FOXP1: variants seen among roughly 807,000 people sequenced by gnomAD.
FOXP1 encodes the protein forkhead box P1.
FOXP1 carries 15 observed loss-of-function variants against 98.2 expected under a neutral mutation model. The ratio of observed to expected loss-of-function variants is 0.15; its 90% CI spans 0.10 to 0.24. FOXP1 has a LOEUF of 0.24. Among genes scored for constraint, FOXP1 ranks in the 10% least tolerant of loss-of-function variants. The probability of loss-of-function intolerance (pLI) is 1.00; values close to 1 mark genes in which losing one functional copy is unlikely to be tolerated. For synonymous variants in FOXP1, 371 were observed against 314.5 expected, an observed-to-expected ratio of 1.18 and a Z score of -1.90; for missense variants, 633 against 848.5, an observed-to-expected ratio of 0.75 and a Z score of 3.15.
At chr3:71,094,150 C>T (rs957427483) in intron 7 of FOXP1, among the ~76,000 whole-genome samples, 22 of 152,266 alleles carry the variant, frequency 1.4e-4, no homozygotes, top group African/African-American at 4.8e-4. Context: ...CAGTCTCTGT[C>T]GCACCCACTC....
intron 4 of FOXP1, among the ~76,000 whole-genome samples, chr3:71,353,176 CG>C: frequency 6.6e-6 from 1 of 152,140 alleles, no homozygotes; most frequent in Non-Finnish European, 1.5e-5. Flanking sequence ...TGGACTCAGA[CG>C]ATGCAGCAAA....
chr3:71,285,810 C>T (rs1339726245), intron 5 of FOXP1, among the ~76,000 whole-genome samples: 1 of 152,170 alleles, frequency 6.6e-6, no homozygotes, highest in Non-Finnish European at 1.5e-5. Flanking sequence ...TCTACAATTA[C>T]ACAGTGGCCT....
intron 4 of FOXP1, among the ~76,000 whole-genome samples, chr3:71,322,805 A>G (rs1239254264): frequency 1.3e-5 from 2 of 152,176 alleles, no homozygotes; most frequent in African/African-American, 4.8e-5. Context: ...TAGAGTGACC[A>G]CTGGATGTGT....
intron 7 of FOXP1, among the ~76,000 whole-genome samples, chr3:71,058,753 A>C (rs1320731333): frequency 7.9e-5 from 12 of 152,168 alleles, no homozygotes; most frequent in Admixed American, 7.9e-4. Flanking sequence ...ATGTATTGGC[A>C]AACAGAAAAG....
chr3:71,005,505 T>C (rs933739194), intron 12 of FOXP1, among the ~76,000 whole-genome samples: 4 of 151,998 alleles, frequency 2.6e-5, no homozygotes, highest in African/African-American at 9.7e-5. Context: ...ATTAATATAT[T>C]ATTTGGGGGA....
chr3:71,344,557 C>T (rs890159859), intron 4 of FOXP1, among the ~76,000 whole-genome samples: 2 of 152,218 alleles, frequency 1.3e-5, no homozygotes, highest in African/African-American at 4.8e-5. Flanking sequence ...ATATTTGAAG[C>T]TGGGTACTGT....
chr3:71,114,240 G>C (rs2058182278), intron 6 of FOXP1, among the ~76,000 whole-genome samples: 1 of 152,136 alleles, frequency 6.6e-6, no homozygotes, highest in South Asian at 2.1e-4. Flanking sequence ...AAACAACATG[G>C]ATATTTACAA....
intron 7 of FOXP1, among the ~76,000 whole-genome samples, chr3:71,077,893 C>T (rs948127309): frequency 6.6e-5 from 10 of 151,120 alleles, no homozygotes; most frequent in Admixed American, 5.9e-4. Context: ...AGTGCAATGG[C>T]GTGATCTCGG....
intron 11 of FOXP1, among the ~76,000 whole-genome samples, chr3:71,034,129 G>A (rs545101384): frequency 6.6e-6 from 1 of 152,070 alleles, no homozygotes; most frequent in South Asian, 2.1e-4. Context: ...TGACTTCCCT[G>A]CCAGCAAAAA....
chr3:71,108,868 T>C (rs2057670169), intron 7 of FOXP1, among the ~76,000 whole-genome samples: 1 of 151,716 alleles, frequency 6.6e-6, no homozygotes, highest in Non-Finnish European at 1.5e-5. Context: ...GCAGGGTGTG[T>C]ATCTTCAACA....
At chr3:71,269,812 T>C (rs1303527474) in intron 5 of FOXP1, among the ~76,000 whole-genome samples, 2 of 152,330 alleles carry the variant, frequency 1.3e-5, no homozygotes, top group Non-Finnish European at 2.9e-5. Flanking sequence ...CAATAAATGT[T>C]CCTTAACAGC....
chr3:71,450,045 T>C (rs889330125), intron 3 of FOXP1, among the ~76,000 whole-genome samples: 1 of 152,370 alleles, frequency 6.6e-6, no homozygotes, highest in Admixed American at 6.5e-5. Flanking sequence ...AATTTCCTTC[T>C]GAAGTTTTCC....
chr3:71,061,791 A>G (rs1438635202), intron 7 of FOXP1, among the ~76,000 whole-genome samples: 1 of 152,174 alleles, frequency 6.6e-6, no homozygotes, highest in Admixed American at 6.5e-5. Flanking sequence ...CTACAACTAA[A>G]CCACATAATA....
At chr3:71,345,871 TAAAAAAAAAAAAAA>T (rs71120316) in intron 4 of FOXP1, among the ~76,000 whole-genome samples, 3 of 55,098 alleles carry the variant, frequency 5.4e-5, no homozygotes, top group East Asian at 6.5e-4. Flanking sequence ...AAAGTTTTTG[TAAAAAAAAAAAAAA>T]AAAAAAAAAA....
chr3:71,159,588 C>A (rs888540213), intron 6 of FOXP1, among the ~76,000 whole-genome samples: 1 of 152,126 alleles, frequency 6.6e-6, no homozygotes, highest in Non-Finnish European at 1.5e-5. Flanking sequence ...CACAAATAAC[C>A]CATTCTCTTT....
intron 3 of FOXP1, among the ~76,000 whole-genome samples, chr3:71,483,690 A>C (rs1312830879): frequency 6.6e-6 from 1 of 152,234 alleles, no homozygotes; most frequent in East Asian, 1.9e-4. Context: ...GTAACAGACC[A>C]GGTGGCTTGC....
At chr3:71,054,516 C>A (rs1348550780) in intron 7 of FOXP1, among the ~76,000 whole-genome samples, 5 of 152,204 alleles carry the variant, frequency 3.3e-5, no homozygotes, top group Non-Finnish European at 7.3e-5. Flanking sequence ...ATGTCTTGTT[C>A]AGATAAAACA....
intron 5 of FOXP1, among the ~76,000 whole-genome samples, chr3:71,227,015 G>A (rs1398898946): frequency 3.9e-5 from 6 of 152,114 alleles, no homozygotes; most frequent in African/African-American, 1.2e-4. Flanking sequence ...TTTGGTCTTC[G>A]TGGTAATGGC....
At chr3:71,352,653 G>A (rs1384336716) in intron 4 of FOXP1, among the ~76,000 whole-genome samples, 2 of 152,010 alleles carry the variant, frequency 1.3e-5, no homozygotes, top group Non-Finnish European at 2.9e-5. Context: ...GTTACTATGA[G>A]TTAATAAATA....
Sources: gnomAD v4.1 joint callset for allele counts (sites outside exome capture counted in the v4.1 genomes callset) on GRCh38, gnomAD v4.1.1 for gene constraint, MANE v1.5 for transcripts, NCBI Gene and HGNC (gene_info 2026-07-23, HGNC 2026-07-21) for gene names.